GSTM4: variants seen among roughly 807,000 people sequenced by gnomAD.
GSTM4 encodes glutathione S-transferase mu 4, also known as GST class-mu 4.
Under a neutral mutation model 30.1 loss-of-function variants are expected in GSTM4, and 27 were observed. The ratio of observed to expected loss-of-function variants is 0.90; its 90% confidence interval spans 0.66 to 1.24. The LOEUF (loss-of-function observed/expected upper bound fraction) is 1.24. Ranked by LOEUF, GSTM4 falls within the 50% of genes most tolerant of loss-of-function variation. The probability of loss-of-function intolerance (pLI) is 0.00; values close to 1 mark genes in which losing one functional copy is unlikely to be tolerated. For missense variants in GSTM4, 238 were observed against 272.1 expected, an observed-to-expected ratio of 0.87 and a Z score of 0.88; for synonymous variants, 94 against 96.2, an observed-to-expected ratio of 0.98 and a Z score of 0.13.
At chr1:109,664,953 G>A (rs1557955847), downstream of GSTM4, 6 of 1,599,902 alleles carry the variant, frequency 3.8e-6, no homozygotes, top group Non-Finnish European at 5.1e-6. Context: ...ATGATCTTGT[G>A]GCAGTCAAGA....
intron 2 of GSTM4, 80 bp downstream of exon 2, chr1:109,656,867 A>AC (rs747943233): frequency 1.5e-6 from 2 of 1,373,930 alleles, no homozygotes; most frequent in Non-Finnish European, 2.1e-6. Flanking sequence ...ACCTGTGGCT[A>AC]CCTCTGCAGG....
At chr1:109,664,777 T>C (rs1226152207), downstream of GSTM4, among the ~76,000 whole-genome samples, 2 of 152,208 alleles carry the variant, frequency 1.3e-5, no homozygotes, top group African/African-American at 4.8e-5. Flanking sequence ...GTTTATAGAA[T>C]ACCTTCAAGT....
intron 1 of GSTM4, 119 bp from the exon 2 acceptor site, chr1:109,656,593 T>TGTGTGTGAGA (rs1652003202): frequency 1.8e-5 from 10 of 556,768 alleles, no homozygotes; most frequent in Non-Finnish European, 2.5e-5. Flanking sequence ...TGTGTGTGCG[T>TGTGTGTGAGA]GCGCCGGGGT....
downstream of GSTM4, among the ~76,000 whole-genome samples, chr1:109,664,445 C>T (rs551565345): frequency 8.3e-5 from 12 of 143,728 alleles, no homozygotes; most frequent in South Asian, 2.2e-4. Flanking sequence ...CTGCAACCTC[C>T]GCCTCCTGAG....
At chr1:109,661,841 G>GTTT (rs10687592), downstream of GSTM4, 34 of 368,722 alleles carry the variant, frequency 9.2e-5, no homozygotes, top group African/African-American at 5.0e-4. Context: ...TTCCAACTTT[G>GTTT]TTTTTTTTTT....
chr1:109,658,948 A>G, intron 6 of GSTM4, 39 bp downstream of exon 6: 1 of 1,612,238 alleles, frequency 6.2e-7, no homozygotes, highest in Non-Finnish European at 8.5e-7. Context: ...GAGATTTGCC[A>G]TACATCCTAC....
At chr1:109,665,411 T>C (rs1647283610), downstream of GSTM4, 2 of 244,040 alleles carry the variant, frequency 8.2e-6, no homozygotes, top group Admixed American at 4.9e-5. Flanking sequence ...AGTCGGCAGA[T>C]CATGGGACTT....
downstream of GSTM4, chr1:109,665,140 A>C (rs1353681429): frequency 1.3e-6 from 1 of 783,002 alleles, no homozygotes; most frequent in Admixed American, 1.8e-5. Context: ...TTGAATCAGA[A>C]GACAGCAAAG....
chr1:109,656,688 C>T, intron 1 of GSTM4, 24 bp from the exon 2 acceptor site: 5 of 1,611,460 alleles, frequency 3.1e-6, no homozygotes, highest in Non-Finnish European at 4.2e-6. Context: ...ATCTCTGACA[C>T]GACCTGCGGG....
At chr1:109,663,563 G>A (rs934372464), downstream of GSTM4, among the ~76,000 whole-genome samples, 3 of 152,230 alleles carry the variant, frequency 2.0e-5, no homozygotes, top group South Asian at 2.1e-4. Context: ...TACTCAGGAG[G>A]CTGAGGCAGG....
At chr1:109,657,469 T>C in intron 3 of GSTM4, 121 bp from the exon 4 acceptor site, 5 of 1,489,392 alleles carry the variant, frequency 3.4e-6, no homozygotes, top group Non-Finnish European at 4.7e-6. Flanking sequence ...TATTTCTATG[T>C]CAGGCCTGCC....
chr1:109,658,876 C>T lies in GSTM4; in HGVS notation c.423C>T (p.Phe141=), dbSNP rs3211200. Residue 141 remains phenylalanine, a synonymous_variant, in exon 6 of 8, where the codon TTC becomes TTT. Transcript: ENST00000369836. ...LPTMMQHFSQ[F]LGKRPWFVGD... ...CAATGATGCAGCACTTCTCACAGTTCCTGGGGAAGAGGCCATGGTTTGTTG... is the reference window on the plus strand; with the variant it reads ...CAATGATGCAGCACTTCTCACAGTTTCTGGGGAAGAGGCCATGGTTTGTTG... 6.2e-7 allele frequency: 1 copy of T among 1,613,938 alleles called. No individual in the cohort carries two copies. The highest frequency in any genetic ancestry group is 8.5e-7 in the Non-Finnish European group (1 of 1,179,902).
At chr1:109,662,767 C>T (rs1327796925), downstream of GSTM4, among the ~76,000 whole-genome samples, 2 of 152,202 alleles carry the variant, frequency 1.3e-5, no homozygotes, top group Non-Finnish European at 2.9e-5. Context: ...TATGCAGTAA[C>T]TGGAACTGTC....
rs1010914326 is a variant in GSTM4, at chr1:109,661,145, C to T, written c.568-20C>T. On this transcript the variant is annotated intron_variant, in intron 7 of 7. Transcript: ENST00000369836. ...TGGGCAGCTGACCTTGAGTTCTGGC[C>T]TTATTTTCCCCCCTCTCAGGGCTTG... The T allele has an allele frequency of 6.2e-7, 1 of 1,612,802 alleles. No homozygotes were observed. Among genetic ancestry groups the T allele is most frequent in the Non-Finnish European group, 8.5e-7 (1 of 1,179,438 alleles).
chr1:109,658,248 C>T (rs1164054018), intron 5 of GSTM4: 3 of 260,418 alleles, frequency 1.2e-5, no homozygotes, highest in Admixed American at 9.9e-5. Context: ...ATAGCACCCT[C>T]CTCTGTGGAA....
rs755354563 is a variant in GSTM4 at position 109,657,209 on chromosome 1, C to T, written c.113-6C>T. 9.9e-6 allele frequency: 16 copies of T among 1,612,276 alleles called. No homozygotes were observed. Among genetic ancestry groups the T allele is most frequent in the Admixed American group, 5.0e-5 (3 of 60,000 alleles). On this transcript the variant is annotated splice_polypyrimidine_tract_variant and splice_region_variant and intron_variant, in intron 2 of 7. Transcript: ENST00000369836. Reference sequence around the variant, plus strand: ...GTTTGTTTTCACTTCTTCTTCCCCACGGCAGCTCCTGACTATGACAGAAGC... The same window carrying T: ...GTTTGTTTTCACTTCTTCTTCCCCATGGCAGCTCCTGACTATGACAGAAGC...
In GSTM4 at chr1:109,657,664, C is replaced by G; in HGVS notation, c.252C>G (p.His84Gln). The G allele has an allele frequency of 6.2e-7, 1 of 1,614,258 alleles. No individual in the cohort carries two copies. The highest frequency in any genetic ancestry group is 8.5e-7 in the Non-Finnish European group (1 of 1,180,046). The change falls in exon 4 of 8, where the codon CAC becomes CAG. Residue 84 changes from histidine to glutamine, a missense_variant. Coordinates refer to ENST00000369836, the MANE Select transcript of GSTM4 (RefSeq NM_000850.5). ...TCCTGTGCTACATTGCCCGCAAGCACAACCTGTGTGAGTGTGGTTGGCTGC... is the reference window on the plus strand; with the variant it reads ...TCCTGTGCTACATTGCCCGCAAGCAGAACCTGTGTGAGTGTGGTTGGCTGC... ...NAILCYIARK[H>Q]NLCGETEEEK...
At position 109,656,180 on chromosome 1, in the gene GSTM4, C is replaced by T. The variant is rs1298076538; in HGVS notation, c.-210C>T. ...CTTCCAGCCAGTGAGGATCCAGCAACCTGCTCCGTGCCTCCCGCGCCTGTT... is the reference window on the plus strand; with the variant it reads ...CTTCCAGCCAGTGAGGATCCAGCAATCTGCTCCGTGCCTCCCGCGCCTGTT... On this transcript the variant is annotated 5_prime_UTR_variant, in exon 1 of 8. Coordinates refer to ENST00000369836, the MANE Select transcript of GSTM4 (RefSeq NM_000850.5). 1 of 592,728 alleles carries T rather than the reference C, an allele frequency of 1.7e-6. No individual in the cohort carries two copies. Among genetic ancestry groups the T allele is most frequent in the South Asian group, 1.8e-5 (1 of 57,102 alleles). The allele number at this position is 592,728 out of a possible 1,614,324, so 36.7% of individuals were successfully genotyped here.
At position 109,657,725 on chromosome 1, in the gene GSTM4, G is replaced by T. The variant is rs372542794; in HGVS notation, c.260-47G>T. The T allele has an allele frequency of 4.8e-5, 78 of 1,614,034 alleles. 1 individual carries two copies. In the African/African-American group the frequency reaches 8.3e-4, roughly 17 times the overall value. On this transcript the variant is annotated intron_variant, in intron 4 of 7. Transcript: ENST00000369836. ...GGGAAGGTGGCATCCTCCTTGGCTG[G>T]ATTGGGGTGCTATGCTCAGAGTGAG...
Sources: allele counts gnomAD v4.1 joint callset (sites outside exome capture counted in the v4.1 genomes callset), GRCh38; gene constraint gnomAD v4.1.1; transcripts MANE v1.5; gene names NCBI Gene and HGNC (gene_info 2026-07-23, HGNC 2026-07-21).